Variants in CDYL2 observed in about 807,000 individuals in gnomAD.
CDYL2 encodes chromodomain Y-like protein 2.
A neutral mutation model predicts 49.4 loss-of-function variants in CDYL2; 23 were observed. That is an observed-to-expected ratio of 0.47 (90% CI 0.34 to 0.66). The LOEUF (loss-of-function observed/expected upper bound fraction) is 0.66. Ranked by LOEUF, CDYL2 falls within the 30% of genes least tolerant of loss-of-function variation. CDYL2 has a pLI of 0.01. For synonymous variants in CDYL2, 360 were observed against 268.8 expected (o/e 1.34, Z -3.32); for missense variants, 678 against 656.4 (o/e 1.03, Z -0.36).
chr16:80,713,219 C>G (rs553013217), intron 1 of CDYL2, among the ~76,000 whole-genome samples: 1 of 152,260 alleles, frequency 6.6e-6, no homozygotes, highest in East Asian at 1.9e-4. Context: ...TTAATAAGCG[C>G]TAGGTGGCTG....
rs1213088649 is a variant in CDYL2, at chr16:80,633,144, T to C, written c.709A>G (p.Arg237Gly). ...CTTTCATTCTGGCGGACACTGTATCTGAGCCTTTTGTCAAAGACGTAGTCC... is the reference window on the plus strand; with the variant it reads ...CTTTCATTCTGGCGGACACTGTATCCGAGCCTTTTGTCAAAGACGTAGTCC... ...EKDYVFDKRLRYSVRQNESNC... is the reference protein window; with the variant it reads ...EKDYVFDKRLGYSVRQNESNC... Residue 237 changes from arginine (R) to glycine (G), a missense_variant, in exon 3 of 7, where the codon AGA becomes GGA. Coordinates refer to ENST00000570137, the MANE Select transcript of CDYL2 (RefSeq NM_152342.4). The C allele has an allele frequency of 6.2e-7, 1 of 1,614,226 alleles. No individual in the cohort carries two copies. The highest frequency in any genetic ancestry group is 1.1e-5 in the South Asian group (1 of 91,090).
At chr16:80,788,339 A>T (rs993397385) in intron 1 of CDYL2, among the ~76,000 whole-genome samples, 2 of 152,240 alleles carry the variant, frequency 1.3e-5, no homozygotes, top group African/African-American at 4.8e-5. Flanking sequence ...ACAAACATCC[A>T]TTCAGATTCA....
intron 1 of CDYL2, among the ~76,000 whole-genome samples, chr16:80,752,858 G>C (rs1040962262): frequency 2.6e-5 from 4 of 152,200 alleles, no homozygotes; most frequent in African/African-American, 9.6e-5. Context: ...TCAGAAGCTA[G>C]TGCAGCACAC....
chr16:80,709,980 T>C (rs1414131376), intron 1 of CDYL2, among the ~76,000 whole-genome samples: 2 of 151,246 alleles, frequency 1.3e-5, no homozygotes, highest in Non-Finnish European at 2.9e-5. Flanking sequence ...CAGCCTGGAG[T>C]GCGGTGGTGC....
intron 1 of CDYL2, among the ~76,000 whole-genome samples, chr16:80,769,431 G>A (rs748152451): frequency 1.8e-4 from 28 of 152,290 alleles, no homozygotes; most frequent in Middle Eastern, 3.4e-3. Context: ...TATAAAAGGT[G>A]GGTATCATTA....
intron 4 of CDYL2, among the ~76,000 whole-genome samples, chr16:80,618,009 T>A (rs1360930915): frequency 6.6e-6 from 1 of 152,178 alleles, no homozygotes; most frequent in East Asian, 1.9e-4. Context: ...AATGCTCCCT[T>A]GGGCCTCTCT....
intron 1 of CDYL2, among the ~76,000 whole-genome samples, chr16:80,741,848 C>A (rs1905748012): frequency 6.6e-6 from 1 of 152,206 alleles, no homozygotes; most frequent in Non-Finnish European, 1.5e-5. Context: ...GACTAATTTA[C>A]AACATTCCTG....
intron 1 of CDYL2, among the ~76,000 whole-genome samples, chr16:80,728,463 A>G (rs1174359448): frequency 6.6e-6 from 1 of 152,230 alleles, no homozygotes; most frequent in East Asian, 1.9e-4. Flanking sequence ...GATCAAATCT[A>G]CGTCTGATTG....
chr16:80,768,602 T>C (rs555921296), intron 1 of CDYL2, among the ~76,000 whole-genome samples: 1 of 152,200 alleles, frequency 6.6e-6, no homozygotes, highest in South Asian at 2.1e-4. Flanking sequence ...TCTATAAGGG[T>C]ACTAATCCCA....
chr16:80,794,598 ATTTTTTT>A (rs966789395), intron 1 of CDYL2, among the ~76,000 whole-genome samples: 9 of 66,864 alleles, frequency 1.3e-4, no homozygotes, highest in East Asian at 8.9e-4. Flanking sequence ...ATTCCCAGTG[ATTTTTTT>A]TTTTTTTTTT....
At chr16:80,649,795 A>G (rs1453941421) in intron 2 of CDYL2, among the ~76,000 whole-genome samples, 1 of 152,150 alleles carries the variant, frequency 6.6e-6, no homozygotes, top group Non-Finnish European at 1.5e-5. Context: ...AGAATAGAGA[A>G]CCCAGAAACA....
At chr16:80,666,522 G>C (rs1357283666) in intron 2 of CDYL2, among the ~76,000 whole-genome samples, 1 of 152,160 alleles carries the variant, frequency 6.6e-6, no homozygotes, top group Non-Finnish European at 1.5e-5. Flanking sequence ...GTCTACTGTG[G>C]CTTCGTGAAT....
chr16:80,660,806 A>G (rs1909010142), intron 2 of CDYL2, among the ~76,000 whole-genome samples: 1 of 152,238 alleles, frequency 6.6e-6, no homozygotes, highest in Admixed American at 6.5e-5. Flanking sequence ...GAGAAATGCC[A>G]GAAGGATCCC....
chr16:80,732,009 A>C (rs77497614), intron 1 of CDYL2, among the ~76,000 whole-genome samples: 3 of 152,162 alleles, frequency 2.0e-5, no homozygotes, highest in East Asian at 1.9e-4. Context: ...GCACAGATTG[A>C]AACAGGATAG....
At chr16:80,628,886 A>G (rs1039582541) in intron 3 of CDYL2, among the ~76,000 whole-genome samples, 1 of 152,214 alleles carries the variant, frequency 6.6e-6, no homozygotes, top group Admixed American at 6.5e-5. Flanking sequence ...CCACAAATAC[A>G]TGTAGACTAA....
In CDYL2 at chr16:80,716,656, C is replaced by T. The variant is rs375810115; in HGVS notation, c.25-31527G>A. Among the ~76,000 whole-genome samples the T allele has an allele frequency of 6.1e-5, 9 of 147,288 alleles. No individual in the cohort carries two copies. In the South Asian group the frequency reaches 1.7e-3, roughly 29 times the overall value. On this transcript the variant is annotated intron_variant, in intron 1 of 6. Coordinates refer to ENST00000570137, the MANE Select transcript of CDYL2 (RefSeq NM_152342.4). The stretch of plus-strand genomic sequence containing the variant: ...GGATGGATGGATGATACATGGATGA[C>T]TGGATGAATAGATGATTGGATGGAT...
intron 2 of CDYL2, among the ~76,000 whole-genome samples, chr16:80,645,265 T>A (rs1195685108): frequency 6.6e-6 from 1 of 152,130 alleles, no homozygotes; most frequent in African/African-American, 2.4e-5. Flanking sequence ...ATATCCAGAA[T>A]CTACAAAGAA....
At chr16:80,710,211 G>C (rs191622843) in intron 1 of CDYL2, among the ~76,000 whole-genome samples, 2 of 152,250 alleles carry the variant, frequency 1.3e-5, no homozygotes, top group African/African-American at 4.8e-5. Context: ...ACAGGTGTGA[G>C]CCACCATGCC....
intron 2 of CDYL2, among the ~76,000 whole-genome samples, chr16:80,649,506 G>C (rs1908494625): frequency 6.6e-6 from 1 of 151,934 alleles, no homozygotes; most frequent in Non-Finnish European, 1.5e-5. Context: ...AACTATTCAT[G>C]GATTTAAAGA....
Sources: gnomAD v4.1 joint callset for allele counts (sites outside exome capture counted in the v4.1 genomes callset) on GRCh38, gnomAD v4.1.1 for gene constraint, MANE v1.5 for transcripts, NCBI Gene and HGNC (gene_info 2026-07-23, HGNC 2026-07-21) for gene names.